DCAF6: variants seen among roughly 807,000 people sequenced by gnomAD.
DCAF6 encodes DDB1 and CUL4 associated factor 6.
DCAF6 carries 54 observed loss-of-function variants against 125.1 expected under a neutral mutation model. The observed-to-expected ratio is 0.43, with a 90% CI of 0.35 to 0.54. DCAF6 has a LOEUF of 0.54. DCAF6 is among the 20% of genes least tolerant of loss of function. The pLI, the probability that DCAF6 is intolerant of heterozygous loss-of-function variation, is 0.01. For missense variants in DCAF6, 934 were observed against 1,161.7 expected, an observed-to-expected ratio of 0.80 and a Z score of 2.85; for synonymous variants, 371 against 390.4, an observed-to-expected ratio of 0.95 and a Z score of 0.58.
intron 12 of DCAF6, among the ~76,000 whole-genome samples, chr1:168,030,668 G>A (rs1686970552): frequency 1.3e-5 from 2 of 152,184 alleles, no homozygotes; most frequent in Non-Finnish European, 2.9e-5. Context: ...CAGGGATTGA[G>A]GAGGAATCCA....
chr1:167,878,714 A>G, the DCAF6 span: 4 of 1,442,650 alleles, frequency 2.8e-6, no homozygotes, highest in South Asian at 1.2e-5. Context: ...ATTGTCCCCA[A>G]ATAGCATTTT....
chr1:168,021,767 ACAAATG>A (rs1557989149), intron 11 of DCAF6, among the ~76,000 whole-genome samples: 1 of 152,218 alleles, frequency 6.6e-6, no homozygotes, highest in Non-Finnish European at 1.5e-5. Flanking sequence ...TTTTAAATGT[ACAAATG>A]CAAGCAATCA....
chr1:168,046,343 T>C (rs1437321871), intron 16 of DCAF6, among the ~76,000 whole-genome samples: 1 of 152,160 alleles, frequency 6.6e-6, no homozygotes, highest in East Asian at 1.9e-4. Context: ...GAGGCCACTT[T>C]AATTTTTAAA....
chr1:167,985,712 G>T (rs1237695859), intron 4 of DCAF6, among the ~76,000 whole-genome samples: 1 of 152,162 alleles, frequency 6.6e-6, no homozygotes, highest in African/African-American at 2.4e-5. Context: ...CACAATAATA[G>T]TAAACCTTTT....
In DCAF6 at chr1:168,001,174, C is replaced by A. The variant is rs143808833; in HGVS notation, c.904-1308C>A. Among the ~76,000 whole-genome samples the A allele has an allele frequency of 2.1e-3, 318 of 152,128 alleles. 2 individuals are homozygous for A. Among genetic ancestry groups the A allele is most frequent in the African/African-American group, 7.2e-3 (297 of 41,526 alleles). On this transcript the variant is annotated intron_variant, in intron 7 of 21. Coordinates refer to ENST00000367840, the MANE Select transcript of DCAF6 (RefSeq NM_001198956.2). Reference sequence around the variant, plus strand: ...AAACAGCTGGTTGTGGTGGCACATGCACCAACTACTCAGGAAGCTGTGGCT... The same window carrying A: ...AAACAGCTGGTTGTGGTGGCACATGAACCAACTACTCAGGAAGCTGTGGCT...
intron 7 of DCAF6, among the ~76,000 whole-genome samples, chr1:167,999,398 CAA>C (rs1303585671): frequency 4.6e-5 from 7 of 152,192 alleles, no homozygotes; most frequent in Non-Finnish European, 8.8e-5. Flanking sequence ...AAGCCCCTAA[CAA>C]GAGAACCAGC....
chr1:168,025,043 A>G (rs1035645431), intron 12 of DCAF6, among the ~76,000 whole-genome samples: 10 of 152,184 alleles, frequency 6.6e-5, no homozygotes, highest in Admixed American at 2.0e-4. Context: ...AAATACAACT[A>G]TAGCCTACTA....
intron 11 of DCAF6, among the ~76,000 whole-genome samples, chr1:168,018,898 C>T (rs565378307): frequency 6.6e-6 from 1 of 152,238 alleles, no homozygotes; most frequent in East Asian, 1.9e-4. Flanking sequence ...CATTTGACTG[C>T]TTTATGCCTC....
At chr1:167,925,447 A>ATATATC in the DCAF6 span, among the ~76,000 whole-genome samples, 280 of 87,228 alleles carry the variant, frequency 3.2e-3, 1 homozygote, top group African/African-American at 0.011. Flanking sequence ...ATACACATAT[A>ATATATC]TATATATATA....
intron 4 of DCAF6, among the ~76,000 whole-genome samples, chr1:167,975,719 TTTGTTG>T (rs939035535): frequency 2.6e-5 from 4 of 151,922 alleles, no homozygotes; most frequent in Non-Finnish European, 5.9e-5. Context: ...CTAATTTAAT[TTTGTTG>T]TTGTTGTTGT....
intron 4 of DCAF6, among the ~76,000 whole-genome samples, chr1:167,977,564 T>C (rs1678440779): frequency 6.6e-6 from 1 of 152,142 alleles, no homozygotes; most frequent in Admixed American, 6.5e-5. Flanking sequence ...CAGTGTGTCT[T>C]GATGTGCATT....
chr1:167,921,105 G>C, the DCAF6 span, among the ~76,000 whole-genome samples: 3 of 152,068 alleles, frequency 2.0e-5, no homozygotes, highest in African/African-American at 7.2e-5. Flanking sequence ...TTTTAGATTT[G>C]GGGTATATGT....
At chr1:168,059,088 ACTTT>A (rs1252589242) in intron 17 of DCAF6, among the ~76,000 whole-genome samples, 2 of 151,544 alleles carry the variant, frequency 1.3e-5, no homozygotes, top group Non-Finnish European at 2.9e-5. Flanking sequence ...TATGCTTGTC[ACTTT>A]CTTTTATTTA....
chr1:167,870,824 CT>C, the DCAF6 span, among the ~76,000 whole-genome samples: 6 of 148,204 alleles, frequency 4.0e-5, no homozygotes, highest in Non-Finnish European at 8.9e-5. Context: ...AAAAAAAAAA[CT>C]TGGAATTTCC....
the DCAF6 span, among the ~76,000 whole-genome samples, chr1:167,886,231 C>A: frequency 9.2e-5 from 14 of 152,278 alleles, no homozygotes; most frequent in East Asian, 2.1e-3. Flanking sequence ...AAAGAGCCTG[C>A]ATTGTCAAGA....
intron 11 of DCAF6, among the ~76,000 whole-genome samples, chr1:168,020,338 A>G (rs1024714951): frequency 2.0e-5 from 3 of 152,284 alleles, no homozygotes; most frequent in African/African-American, 7.2e-5. Context: ...GTGGCTGAAG[A>G]ATTTTTGTGA....
At chr1:167,872,822 A>G in the DCAF6 span, among the ~76,000 whole-genome samples, 1 of 150,898 alleles carries the variant, frequency 6.6e-6, no homozygotes, top group Admixed American at 6.7e-5. Flanking sequence ...CTGTAATCCC[A>G]GCACTTTGGG....
the DCAF6 span, among the ~76,000 whole-genome samples, chr1:167,909,618 A>T: frequency 3.9e-5 from 6 of 152,106 alleles, no homozygotes; most frequent in Admixed American, 2.0e-4. Context: ...GTGGCCCAAG[A>T]TGATTCTTCC....
intron 2 of DCAF6, among the ~76,000 whole-genome samples, chr1:167,958,133 A>C (rs934882158): frequency 9.2e-5 from 14 of 152,240 alleles, no homozygotes; most frequent in Admixed American, 5.2e-4. Context: ...AATGTACAAA[A>C]GTTTTTAATT....
Sources: allele counts gnomAD v4.1 joint callset (sites outside exome capture counted in the v4.1 genomes callset), GRCh38; gene constraint gnomAD v4.1.1; transcripts MANE v1.5; gene names NCBI Gene and HGNC (gene_info 2026-07-23, HGNC 2026-07-21).